DENND5A: variants seen among roughly 807,000 people sequenced by gnomAD.
DENND5A encodes DENN domain containing 5A.
DENND5A carries 64 observed loss-of-function variants against 140.3 expected under a neutral mutation model. That is an observed-to-expected ratio of 0.46 (90% CI 0.37 to 0.56). The LOEUF (loss-of-function observed/expected upper bound fraction) is 0.56. DENND5A is among the 20% of genes least tolerant of loss of function. The pLI is 0.00. For synonymous variants in DENND5A, 605 were observed against 607.7 expected (o/e 1.00, Z 0.07); for missense variants, 1,292 against 1,593.8 (o/e 0.81, Z 3.22).
intron 1 of DENND5A, among the ~76,000 whole-genome samples, chr11:9,246,915 G>C (rs1400552410): frequency 6.6e-6 from 1 of 152,084 alleles, no homozygotes. Context: ...CTGCTTTCCT[G>C]AAATTTACCC....
chr11:9,246,330 G>A (rs139134136), intron 1 of DENND5A, among the ~76,000 whole-genome samples: 1,970 of 152,146 alleles, frequency 0.013, 44 homozygotes, highest in African/African-American at 0.044. Context: ...AAAGGATGTA[G>A]GGCCAGGTGG....
At chr11:9,230,763 CG>C (rs965009904) in intron 1 of DENND5A, among the ~76,000 whole-genome samples, 3 of 152,034 alleles carry the variant, frequency 2.0e-5, no homozygotes, top group Non-Finnish European at 4.4e-5. Flanking sequence ...GAGGCCAAGG[CG>C]GGTAGATCAC....
chr11:9,177,267 A>T (rs1215779592), intron 8 of DENND5A, among the ~76,000 whole-genome samples: 1 of 151,070 alleles, frequency 6.6e-6, no homozygotes, highest in Non-Finnish European at 1.5e-5. Context: ...AAAAAAAAAA[A>T]AGAAAGAAAG....
At chr11:9,156,896 G>A (rs1248106862) in intron 12 of DENND5A, among the ~76,000 whole-genome samples, 1 of 150,944 alleles carries the variant, frequency 6.6e-6, no homozygotes, top group Non-Finnish European at 1.5e-5. Context: ...AGGAAGGAAG[G>A]AAGGAAGGAA....
chr11:9,178,197 A>C lies in DENND5A; in HGVS notation c.1841T>G (p.Leu614Trp). The C allele has an allele frequency of 6.2e-7, 1 of 1,614,192 alleles. No individual in the cohort carries two copies. The highest frequency in any genetic ancestry group is 8.5e-7 in the Non-Finnish European group (1 of 1,180,018). The change falls in exon 8 of 23, where the codon TTG becomes TGG. Residue 614 changes from leucine to tryptophan, a missense_variant. Coordinates refer to ENST00000328194, the MANE Select transcript of DENND5A (RefSeq NM_015213.4). ...ACGGAGAGTAGGTGTCCGAACATTC[A>C]ACAGCCTGATCTTGTCAACTCGGGA... Reference protein sequence around the residue: ...FDSRVDKIRLLNVRTPTLRTS... With the variant: ...FDSRVDKIRLWNVRTPTLRTS...
chr11:9,219,446 A>G (rs1161830899), intron 1 of DENND5A, among the ~76,000 whole-genome samples: 1 of 152,198 alleles, frequency 6.6e-6, no homozygotes, highest in East Asian at 1.9e-4. Context: ...AGAATTATAT[A>G]CTCAGCCAAA....
intron 1 of DENND5A, among the ~76,000 whole-genome samples, chr11:9,234,520 C>T (rs775346524): frequency 1.3e-5 from 2 of 152,054 alleles, no homozygotes; most frequent in South Asian, 2.1e-4. Context: ...GGAACAGGCC[C>T]CCCAAAATCT....
intron 1 of DENND5A, among the ~76,000 whole-genome samples, chr11:9,260,719 G>A (rs1852158902): frequency 6.6e-6 from 1 of 152,124 alleles, no homozygotes; most frequent in Non-Finnish European, 1.5e-5. Flanking sequence ...TACATTACTT[G>A]CCTAAATGCT....
intron 1 of DENND5A, among the ~76,000 whole-genome samples, chr11:9,243,200 ATAAC>A (rs1017794423): frequency 1.4e-4 from 21 of 151,922 alleles, no homozygotes; most frequent in Admixed American, 1.1e-3. Flanking sequence ...CACCACACTC[ATAAC>A]TAACTGAGCT....
At chr11:9,191,390 AC>A (rs1849120873) in intron 5 of DENND5A, among the ~76,000 whole-genome samples, 1 of 152,084 alleles carries the variant, frequency 6.6e-6, no homozygotes. Context: ...GGCGTGCACC[AC>A]CATGCCCAGC....
At chr11:9,179,909 GA>G (rs1254378293) in intron 6 of DENND5A, among the ~76,000 whole-genome samples, 2 of 152,014 alleles carry the variant, frequency 1.3e-5, no homozygotes, top group Admixed American at 6.6e-5. Flanking sequence ...CACTAAAGCA[GA>G]AAAAATGAAA....
Position 9,244,125 on chromosome 11 carries a change from CAA to C in DENND5A, c.109+20834_109+20835del, listed in dbSNP as rs552778012. ...AGTGCCCCTAACCCCCAACTTGGTT[CAA>C]GAGTCAAGTGTATTTGGACATACAG... On this transcript the variant is annotated intron_variant, in intron 1 of 22. Transcript: ENST00000328194. Among the ~76,000 whole-genome samples the C allele has an allele frequency of 2.6e-5, 4 of 152,120 alleles. No homozygotes were observed. The South Asian group carries it at 8.3e-4, about 32-fold the overall frequency.
At chr11:9,260,692 C>T (rs1418262230) in intron 1 of DENND5A, among the ~76,000 whole-genome samples, 2 of 152,154 alleles carry the variant, frequency 1.3e-5, no homozygotes, top group Non-Finnish European at 2.9e-5. Context: ...TCCTCAATTC[C>T]TTGCACAAAA....
At chr11:9,262,160 T>C (rs1564949380) in intron 1 of DENND5A, among the ~76,000 whole-genome samples, 1 of 152,158 alleles carries the variant, frequency 6.6e-6, no homozygotes, top group Non-Finnish European at 1.5e-5. Flanking sequence ...ATTATTTTTA[T>C]TTACATTCTT....
chr11:9,147,082 C>A lies in DENND5A; in HGVS notation c.2805G>T (p.Leu935=). 1 of 1,614,134 alleles carries A rather than the reference C, an allele frequency of 6.2e-7. No homozygotes were observed. The highest frequency in any genetic ancestry group is 8.5e-7 in the Non-Finnish European group (1 of 1,179,972). Residue 935 remains leucine, a synonymous_variant, in exon 16 of 23, where the codon CTG becomes CTT. Coordinates refer to ENST00000328194, the MANE Select transcript of DENND5A (RefSeq NM_015213.4). The part of the protein sequence containing the change: ...DEKEQFLYHL[L]SFNAVDYFCF... ...AAAAGTAATCGACGGCATTGAAAGACAGGAGGTGATAGAGGAACTGCTCCT... is the reference window on the plus strand; with the variant it reads ...AAAAGTAATCGACGGCATTGAAAGAAAGGAGGTGATAGAGGAACTGCTCCT...
chr11:9,247,377 C>T (rs1851523088), intron 1 of DENND5A, among the ~76,000 whole-genome samples: 1 of 152,044 alleles, frequency 6.6e-6, no homozygotes. Context: ...ACTGGTTCTA[C>T]TGCACTGGGC....
intron 5 of DENND5A, among the ~76,000 whole-genome samples, chr11:9,181,725 T>C (rs1029213807): frequency 2.0e-5 from 3 of 151,974 alleles, no homozygotes; most frequent in Non-Finnish European, 2.9e-5. Flanking sequence ...GGCAACAGAG[T>C]GAGACTCTGT....
At chr11:9,257,051 C>A (rs1392454077) in intron 1 of DENND5A, among the ~76,000 whole-genome samples, 1 of 152,102 alleles carries the variant, frequency 6.6e-6, no homozygotes, top group Non-Finnish European at 1.5e-5. Context: ...GACCAAGTCA[C>A]TCAGGCTGGA....
chr11:9,235,006 T>G (rs2136260362), intron 1 of DENND5A, among the ~76,000 whole-genome samples: 1 of 152,320 alleles, frequency 6.6e-6, no homozygotes, highest in Admixed American at 6.5e-5. Flanking sequence ...CTGACCCAGC[T>G]GGCATCCGCA....
Sources: allele counts gnomAD v4.1 joint callset (sites outside exome capture counted in the v4.1 genomes callset), GRCh38; gene constraint gnomAD v4.1.1; transcripts MANE v1.5; gene names NCBI Gene and HGNC (gene_info 2026-07-23, HGNC 2026-07-21).